AGTPBP1: variants seen among roughly 807,000 people sequenced by gnomAD.
AGTPBP1 encodes the protein ATP/GTP binding carboxypeptidase 1.
AGTPBP1 carries 70 observed loss-of-function variants against 143.9 expected under a neutral mutation model. That is an observed-to-expected ratio of 0.49 (90% CI 0.40 to 0.59). AGTPBP1 has a LOEUF of 0.59. Ranked by LOEUF, AGTPBP1 falls within the 20% of genes least tolerant of loss-of-function variation. The pLI is 0.00. For missense variants in AGTPBP1, 1,229 were observed against 1,464.5 expected (o/e 0.84, Z 2.62); for synonymous variants, 463 against 500.2 (o/e 0.93, Z 0.99).
At chr9:85,697,694 C>T (rs986206260) in intron 2 of AGTPBP1, among the ~76,000 whole-genome samples, 3 of 151,874 alleles carry the variant, frequency 2.0e-5, no homozygotes, top group Non-Finnish European at 4.4e-5. Flanking sequence ...CCTCGTGATC[C>T]GCCCGCCTCA....
intron 15 of AGTPBP1, among the ~76,000 whole-genome samples, chr9:85,620,157 T>C (rs1830834132): frequency 1.3e-5 from 2 of 152,068 alleles, no homozygotes; most frequent in South Asian, 4.1e-4. Flanking sequence ...ACACTTGTAA[T>C]CCCGGTACTT....
chr9:85,558,368 G>A (rs762992431), intron 25 of AGTPBP1, among the ~76,000 whole-genome samples: 2 of 152,132 alleles, frequency 1.3e-5, no homozygotes, highest in Non-Finnish European at 2.9e-5. Context: ...TCCTTTGGGG[G>A]TGATAAAAAG....
chr9:85,706,758 C>T (rs1225230349), intron 2 of AGTPBP1, among the ~76,000 whole-genome samples: 2 of 151,878 alleles, frequency 1.3e-5, no homozygotes, highest in African/African-American at 4.8e-5. Flanking sequence ...CGCCTGCAAT[C>T]CCAGCTACTC....
chr9:85,777,984 T>C, the AGTPBP1 span, among the ~76,000 whole-genome samples: 1 of 152,186 alleles, frequency 6.6e-6, no homozygotes. Flanking sequence ...TGGAGAACCG[T>C]CTGTGAACCA....
At chr9:85,790,343 C>T in the AGTPBP1 span, among the ~76,000 whole-genome samples, 1 of 152,134 alleles carries the variant, frequency 6.6e-6, no homozygotes, top group Admixed American at 6.5e-5. Flanking sequence ...GCTGACTTTT[C>T]ATAGGTTTTG....
intron 17 of AGTPBP1, among the ~76,000 whole-genome samples, chr9:85,610,601 T>G (rs532606544): frequency 6.6e-6 from 1 of 152,064 alleles, no homozygotes; most frequent in South Asian, 2.1e-4. Context: ...GCACATTTTC[T>G]AGAATCCAAC....
chr9:85,740,003 C>CAAAA (rs539664181), intron 1 of AGTPBP1, among the ~76,000 whole-genome samples: 121 of 113,662 alleles, frequency 1.1e-3, no homozygotes, highest in Admixed American at 3.3e-3. Flanking sequence ...GACTCCGTCT[C>CAAAA]AAAAAAAAAA....
intron 14 of AGTPBP1, among the ~76,000 whole-genome samples, chr9:85,627,945 G>C (rs1413019049): frequency 6.6e-6 from 1 of 152,176 alleles, no homozygotes; most frequent in Non-Finnish European, 1.5e-5. Context: ...GTTAAGTTTT[G>C]AGGGAATTAA....
chr9:85,666,974 G>A (rs1834171656), intron 8 of AGTPBP1, among the ~76,000 whole-genome samples: 1 of 151,992 alleles, frequency 6.6e-6, no homozygotes, highest in Non-Finnish European at 1.5e-5. Flanking sequence ...TTATAATAGA[G>A]ATGCTAAATA....
At chr9:85,755,584 C>G in the AGTPBP1 span, among the ~76,000 whole-genome samples, 2 of 152,112 alleles carry the variant, frequency 1.3e-5, no homozygotes, top group Non-Finnish European at 2.9e-5. Context: ...CATTCATTCA[C>G]TCATTCATTT....
the AGTPBP1 span, among the ~76,000 whole-genome samples, chr9:85,794,934 T>C: frequency 6.6e-6 from 1 of 152,232 alleles, no homozygotes; most frequent in Non-Finnish European, 1.5e-5. Flanking sequence ...GGTTCATTGC[T>C]AGTGTCACGA....
At chr9:85,655,439 C>G (rs1833436568) in intron 10 of AGTPBP1, 119 bp from the exon 11 acceptor site, 1 of 861,320 alleles carries the variant, frequency 1.2e-6, no homozygotes, top group South Asian at 2.1e-5. Context: ...ATCTCAAAAA[C>G]CAATATTTTA....
intron 2 of AGTPBP1, among the ~76,000 whole-genome samples, chr9:85,699,641 T>C (rs766438088): frequency 6.6e-6 from 1 of 151,102 alleles, no homozygotes; most frequent in South Asian, 2.1e-4. Context: ...AGTTTTAGGA[T>C]TACACAGGAT....
chr9:85,742,101 C>G (rs978349615), upstream of AGTPBP1: 72 of 1,024,496 alleles, frequency 7.0e-5, 1 homozygote, highest in African/African-American at 7.6e-4. Flanking sequence ...CGCCGCGTCC[C>G]TTGTTACCTC....
the AGTPBP1 span, among the ~76,000 whole-genome samples, chr9:85,777,580 A>C: frequency 1.6e-4 from 24 of 152,288 alleles, no homozygotes; most frequent in African/African-American, 4.8e-4. Context: ...TATCCACAGA[A>C]TGGGTTATCA....
the AGTPBP1 span, among the ~76,000 whole-genome samples, chr9:85,767,151 T>A: frequency 2.9e-3 from 433 of 151,512 alleles, no homozygotes; most frequent in South Asian, 9.3e-3. Flanking sequence ...TTTTAAACTT[T>A]TAATTTCTCA....
intron 3 of AGTPBP1, among the ~76,000 whole-genome samples, chr9:85,684,987 A>AC (rs1181500472): frequency 6.6e-6 from 1 of 152,090 alleles, no homozygotes; most frequent in Non-Finnish European, 1.5e-5. Flanking sequence ...ATAAAAAAAA[A>AC]AACATCTGAA....
At position 85,624,062 on chromosome 9, in the gene AGTPBP1, A is replaced by T. The variant is rs370692469; in HGVS notation, c.2016-2777T>A. ...ACATGTGATATGTGGCCACCAGCAA[A>T]ATTGTACTTTGTTAGGTTTTCAACC... On this transcript the variant is annotated intron_variant, in intron 14 of 25. Transcript: ENST00000357081. 1.1e-4 allele frequency among the ~76,000 whole-genome samples: 16 copies of T among 152,322 alleles called. No individual in the cohort carries two copies. The East Asian group carries it at 1.5e-3, about 15-fold the overall frequency.
the AGTPBP1 span, among the ~76,000 whole-genome samples, chr9:85,790,682 T>C: frequency 6.6e-6 from 1 of 152,200 alleles, no homozygotes; most frequent in Non-Finnish European, 1.5e-5. Context: ...TGGCACTATT[T>C]GAAATGCTAA....
Sources: allele counts gnomAD v4.1 joint callset (sites outside exome capture counted in the v4.1 genomes callset), GRCh38; gene constraint gnomAD v4.1.1; transcripts MANE v1.5; gene names NCBI Gene and HGNC (gene_info 2026-07-23, HGNC 2026-07-21).